Variants in NCAM1 observed in about 807,000 individuals in gnomAD.
The protein encoded by NCAM1 is neural cell adhesion molecule 1.
A neutral mutation model predicts 109.8 loss-of-function variants in NCAM1; 14 were observed. The ratio of observed to expected loss-of-function variants is 0.13; its 90% CI spans 0.08 to 0.20. NCAM1 has a LOEUF of 0.20. Among genes scored for constraint, NCAM1 ranks in the 10% least tolerant of loss-of-function variants. The pLI is 1.00. For missense variants in NCAM1, 774 were observed against 1,109.9 expected (o/e 0.70, Z 4.30); for synonymous variants, 418 against 442.9 (o/e 0.94, Z 0.70).
intron 1 of NCAM1, among the ~76,000 whole-genome samples, chr11:113,048,297 G>A (rs1271040278): frequency 3.9e-5 from 6 of 152,194 alleles, no homozygotes; most frequent in South Asian, 2.1e-4. Flanking sequence ...AAAACAATGG[G>A]TATTTAGGTG....
intron 1 of NCAM1, among the ~76,000 whole-genome samples, chr11:113,099,790 G>A (rs1034136228): frequency 4.6e-5 from 7 of 152,206 alleles, no homozygotes; most frequent in Non-Finnish European, 5.9e-5. Flanking sequence ...CTGGGTTCAA[G>A]CAATTCTCCT....
At chr11:113,024,707 A>G (rs1041584304) in intron 1 of NCAM1, among the ~76,000 whole-genome samples, 2 of 152,194 alleles carry the variant, frequency 1.3e-5, no homozygotes, top group Non-Finnish European at 2.9e-5. Context: ...AAAAAAAAGA[A>G]AAAAAACTGA....
chr11:113,065,865 C>T (rs1937927661), intron 1 of NCAM1, among the ~76,000 whole-genome samples: 1 of 152,140 alleles, frequency 6.6e-6, no homozygotes, highest in Non-Finnish European at 1.5e-5. Context: ...AACAAATATA[C>T]CATGCTAATA....
intron 15 of NCAM1, among the ~76,000 whole-genome samples, chr11:113,252,448 G>A (rs562971194): frequency 1.3e-5 from 2 of 149,066 alleles, no homozygotes; most frequent in East Asian, 2.0e-4. Context: ...TTATGTATCC[G>A]TCCAAGAACC....
intron 1 of NCAM1, among the ~76,000 whole-genome samples, chr11:113,138,898 A>G (rs1005582249): frequency 8.0e-4 from 122 of 152,158 alleles, no homozygotes; most frequent in African/African-American, 2.8e-3. Flanking sequence ...TACTCTTCCA[A>G]TGTAGGAATC....
At chr11:113,262,872 T>C (rs782652070) in intron 17 of NCAM1, 4 of 1,613,974 alleles carry the variant, frequency 2.5e-6, no homozygotes, top group Non-Finnish European at 3.4e-6. Context: ...TTCTGCATCC[T>C]ACACCTTTGT....
intron 1 of NCAM1, among the ~76,000 whole-genome samples, chr11:113,112,398 T>C (rs1397421543): frequency 2.0e-5 from 3 of 152,208 alleles, no homozygotes; most frequent in African/African-American, 7.2e-5. Context: ...TTGATTGTTT[T>C]CCTCATAAAT....
intron 14 of NCAM1, among the ~76,000 whole-genome samples, chr11:113,239,499 CTTT>C (rs55641415): frequency 1.8e-5 from 2 of 110,220 alleles, no homozygotes; most frequent in Admixed American, 2.3e-4. Context: ...TGAGTCTCTA[CTTT>C]TTTTTTTTTT....
chr11:113,033,218 G>A (rs1164702529), intron 1 of NCAM1, among the ~76,000 whole-genome samples: 2 of 152,226 alleles, frequency 1.3e-5, no homozygotes, highest in Non-Finnish European at 2.9e-5. Context: ...ATGTGTGATA[G>A]TAATGTTATC....
intron 1 of NCAM1, among the ~76,000 whole-genome samples, chr11:112,971,649 A>G (rs908011453): frequency 7.2e-5 from 11 of 152,134 alleles, no homozygotes; most frequent in Admixed American, 4.6e-4. Context: ...GAAGGTGCAC[A>G]TCATTGTGCC....
At chr11:113,142,263 G>A (rs1281937676) in intron 1 of NCAM1, among the ~76,000 whole-genome samples, 1 of 152,148 alleles carries the variant, frequency 6.6e-6, no homozygotes, top group African/African-American at 2.4e-5. Context: ...AAATTTGGGG[G>A]CAGCTGTAAG....
intron 14 of NCAM1, among the ~76,000 whole-genome samples, chr11:113,237,958 A>G (rs1217391779): frequency 1.5e-5 from 2 of 134,676 alleles, no homozygotes; most frequent in African/African-American, 5.8e-5. Context: ...AGATATATAG[A>G]TAGATAGATA....
intron 18 of NCAM1, 135 bp downstream of exon 18, chr11:113,270,530 G>C: frequency 1.2e-6 from 1 of 803,298 alleles, no homozygotes; most frequent in South Asian, 1.8e-5. Flanking sequence ...CCCTGATGGG[G>C]GAAAAACATT....
intron 17 of NCAM1, chr11:113,262,785 T>C: frequency 6.3e-7 from 1 of 1,577,478 alleles, no homozygotes; most frequent in South Asian, 1.2e-5. Flanking sequence ...ACATCCCCAC[T>C]GCCACATTTG....
At chr11:113,093,228 G>A (rs1939435667) in intron 1 of NCAM1, among the ~76,000 whole-genome samples, 1 of 152,176 alleles carries the variant, frequency 6.6e-6, no homozygotes, top group Non-Finnish European at 1.5e-5. Context: ...CCCAGATGGA[G>A]GCCGTAAGGT....
Position 113,162,682 on chromosome 11 carries a change from G to A in NCAM1, c.53-39697G>A, listed in dbSNP as rs187263147. ...TGGAAAAAGAAAAAAATGAATGTGG[G>A]ACTGTCTAAATGTTTGTCTCCACCA... On this transcript the variant is annotated intron_variant, in intron 1 of 19. Transcript: ENST00000316851. Among the ~76,000 whole-genome samples the A allele has an allele frequency of 3.7e-3, 559 of 152,222 alleles. 1 individual carries two copies. The highest frequency in any genetic ancestry group is 4.5e-3 in the Non-Finnish European group (307 of 68,026).
chr11:113,089,419 T>G (rs1176281848), intron 1 of NCAM1, among the ~76,000 whole-genome samples: 1 of 152,102 alleles, frequency 6.6e-6, no homozygotes, highest in Non-Finnish European at 1.5e-5. Flanking sequence ...TAATTAAGTT[T>G]ACGTTTACTA....
chr11:113,251,048 A>C (rs1555121205), intron 15 of NCAM1, among the ~76,000 whole-genome samples: 1 of 152,112 alleles, frequency 6.6e-6, no homozygotes, highest in African/African-American at 2.4e-5. Context: ...TGATCCACCC[A>C]CCTCAGCCTC....
At chr11:113,116,108 T>C (rs1231084143) in intron 1 of NCAM1, among the ~76,000 whole-genome samples, 6 of 152,176 alleles carry the variant, frequency 3.9e-5, no homozygotes, top group Non-Finnish European at 8.8e-5. Context: ...ATAATAAAGG[T>C]ATTCTTGTAT....
Sources: gnomAD v4.1 joint callset for allele counts (sites outside exome capture counted in the v4.1 genomes callset) on GRCh38, gnomAD v4.1.1 for gene constraint, MANE v1.5 for transcripts, NCBI Gene and HGNC (gene_info 2026-07-23, HGNC 2026-07-21) for gene names.